The following PROX1 variants were observed in gnomAD, a reference collection of about 807,000 sequenced individuals.
PROX1 encodes the protein prospero homeobox 1, also known as prospero homeobox protein 1.
In PROX1, 7 loss-of-function variants were observed where a neutral mutation model predicts 58.8. The ratio of observed to expected loss-of-function variants is 0.12; its 90% CI spans 0.07 to 0.22. The LOEUF is 0.22. PROX1 is among the 10% of genes least tolerant of loss of function. PROX1 has a pLI of 1.00. For missense variants in PROX1, 675 were observed against 927.8 expected, an observed-to-expected ratio of 0.73 and a Z score of 3.54; for synonymous variants, 350 against 358.3, an observed-to-expected ratio of 0.98 and a Z score of 0.26.
At position 214,005,390 on chromosome 1, in the gene PROX1, A is replaced by G. The variant is rs149580116; in HGVS notation, c.1833+118A>G. On this transcript the variant is annotated intron_variant, in intron 3 of 4. Coordinates refer to ENST00000366958, the MANE Select transcript of PROX1 (RefSeq NM_001270616.2). Reference sequence around the variant, plus strand: ...GGTTTATTCCTACACCTGTGTTATAATTGATTTAATGCACTTGTCTTTTTG... The same window carrying G: ...GGTTTATTCCTACACCTGTGTTATAGTTGATTTAATGCACTTGTCTTTTTG... 9.1e-5 allele frequency: 68 copies of G among 745,760 alleles called. No homozygotes were observed. In the African/African-American group the frequency reaches 1.0e-3, roughly 11 times the overall value. The allele number at this position is 745,760 out of a possible 1,614,324, so 46.2% of individuals were successfully genotyped here.
At chr1:213,994,186 A>G (rs2102687281) in intron 1 of PROX1, among the ~76,000 whole-genome samples, 1 of 152,330 alleles carries the variant, frequency 6.6e-6, no homozygotes, top group Middle Eastern at 3.4e-3. Context: ...TCTGTGGCAG[A>G]GCTGCTCTTC....
Position 214,036,526 on chromosome 1 carries a change from C to T in PROX1, c.*692C>T, listed in dbSNP as rs1212690091. 6.6e-6 allele frequency: 1 copy of T among 152,194 alleles called. No homozygotes were observed. Among genetic ancestry groups the T allele is most frequent in the Non-Finnish European group, 1.5e-5 (1 of 68,022 alleles). 9.4% of individuals were successfully genotyped at this position (152,194 alleles called of 1,614,324 possible). The stretch of plus-strand genomic sequence containing the variant: ...AGCAATTTTGCACAAAACCAGCTCT[C>T]TCAAGATGAGACTAGAAATTCATAC... On this transcript the variant is annotated 3_prime_UTR_variant, in exon 5 of 5. Coordinates refer to ENST00000366958, the MANE Select transcript of PROX1 (RefSeq NM_001270616.2).
At chr1:214,027,438 C>T (rs1057493961) in intron 4 of PROX1, among the ~76,000 whole-genome samples, 1 of 152,208 alleles carries the variant, frequency 6.6e-6, no homozygotes, top group African/African-American at 2.4e-5. Context: ...AAAGCTCTGT[C>T]TCTCAAGACA....
At chr1:213,992,566 G>A (rs1321215187) in intron 1 of PROX1, among the ~76,000 whole-genome samples, 1 of 152,078 alleles carries the variant, frequency 6.6e-6, no homozygotes, top group Non-Finnish European at 1.5e-5. Context: ...GTTGACCCAA[G>A]TAGATTAGAG....
At chr1:213,999,655 G>A (rs1663421378) in intron 2 of PROX1, among the ~76,000 whole-genome samples, 1 of 152,142 alleles carries the variant, frequency 6.6e-6, no homozygotes, top group African/African-American at 2.4e-5. Context: ...GTAACAGAAA[G>A]GGAAGAGAAA....
In PROX1 at chr1:214,009,095, TA is replaced by T. The variant is rs1663819273; in HGVS notation, c.1834-2423del. 4.6e-5 allele frequency among the ~76,000 whole-genome samples: 7 copies of T among 152,318 alleles called. No individual in the cohort carries two copies. In the South Asian group the frequency reaches 1.4e-3, roughly 32 times the overall value. ...TCACAGCTTTTCAAGCCGGCAGTGT[TA>T]AATGATGTATCTCATTCCCTCCACC... On this transcript the variant is annotated intron_variant, in intron 3 of 4. Coordinates refer to ENST00000366958, the MANE Select transcript of PROX1 (RefSeq NM_001270616.2).
chr1:214,033,851 T>C (rs780645416), intron 4 of PROX1, among the ~76,000 whole-genome samples: 13 of 152,160 alleles, frequency 8.5e-5, no homozygotes, highest in Non-Finnish European at 1.8e-4. Flanking sequence ...CTCCAACAAA[T>C]ACTCATGTAT....
At chr1:214,020,534 T>G (rs1029740958) in intron 4 of PROX1, among the ~76,000 whole-genome samples, 1 of 152,214 alleles carries the variant, frequency 6.6e-6, no homozygotes, top group African/African-American at 2.4e-5. Flanking sequence ...TCTATATATC[T>G]AACAGAGCCA....
intron 4 of PROX1, among the ~76,000 whole-genome samples, chr1:214,034,444 T>G (rs936852497): frequency 1.3e-5 from 2 of 152,222 alleles, no homozygotes; most frequent in African/African-American, 4.8e-5. Context: ...GCACTTAATG[T>G]AAAAATGAAA....
chr1:214,025,663 C>CT (rs539954941), intron 4 of PROX1, among the ~76,000 whole-genome samples: 11,755 of 136,480 alleles, frequency 0.086, 617 homozygotes, highest in Non-Finnish European at 0.11. Context: ...TCTGTGATTC[C>CT]TTTTTTTTTT....
chr1:214,029,121 G>A (rs1219158205), intron 4 of PROX1: 1 of 152,204 alleles, frequency 6.6e-6, no homozygotes. Context: ...CAGCAGGGAT[G>A]GGAGAGTTTG....
chr1:214,006,942 T>A (rs1413862315), intron 3 of PROX1, among the ~76,000 whole-genome samples: 1 of 152,192 alleles, frequency 6.6e-6, no homozygotes, highest in African/African-American at 2.4e-5. Context: ...TAGGTGTCAC[T>A]CACCCACCAC....
At position 214,039,019 on chromosome 1, in the gene PROX1, C is replaced by A. The variant is rs2102795950; in HGVS notation, c.*3185C>A. 1 of 152,196 alleles carries A rather than the reference C, an allele frequency of 6.6e-6. No individual in the cohort carries two copies. The highest frequency in any genetic ancestry group is 2.4e-5 in the African/African-American group (1 of 41,522). 9.4% of individuals were successfully genotyped at this position (152,196 alleles called of 1,614,324 possible). The stretch of plus-strand genomic sequence containing the variant: ...AGCCTAATGAAAAGTAGTATAGAAG[C>A]AATATTTCATACCATGTGCTATATA... On this transcript the variant is annotated 3_prime_UTR_variant, in exon 5 of 5. Coordinates refer to ENST00000366958, the MANE Select transcript of PROX1 (RefSeq NM_001270616.2).
In PROX1 at chr1:214,033,139, C is replaced by T. The variant is rs370896834; in HGVS notation, c.2029-2510C>T. The stretch of plus-strand genomic sequence containing the variant: ...CAGTTCTTGGTGTGGGCAGGGCTTC[C>T]GGCCTTCTCTGGCTTCTCTGGGGCA... On this transcript the variant is annotated intron_variant, in intron 4 of 4. Coordinates refer to ENST00000366958, the MANE Select transcript of PROX1 (RefSeq NM_001270616.2). 1.5e-3 allele frequency among the ~76,000 whole-genome samples: 231 copies of T among 152,286 alleles called. 4 individuals carry two copies. In the South Asian group the frequency reaches 0.046, roughly 31 times the overall value.
intron 3 of PROX1, among the ~76,000 whole-genome samples, chr1:214,009,944 G>C (rs1266533086): frequency 6.6e-6 from 1 of 152,116 alleles, no homozygotes; most frequent in Non-Finnish European, 1.5e-5. Flanking sequence ...TTATCTCAGT[G>C]TCTGGAAATT....
chr1:214,023,808 T>A (rs1334712495), intron 4 of PROX1, among the ~76,000 whole-genome samples: 1 of 152,180 alleles, frequency 6.6e-6, no homozygotes, highest in East Asian at 1.9e-4. Context: ...TAGAATATGG[T>A]GCTAAAAGTG....
At chr1:214,023,323 G>A (rs1447841685) in intron 4 of PROX1, among the ~76,000 whole-genome samples, 1 of 151,790 alleles carries the variant, frequency 6.6e-6, no homozygotes, top group African/African-American at 2.4e-5. Context: ...CTCTTTCAGA[G>A]CAGAATTGGC....
Position 213,997,075 on chromosome 1 carries a change from C to A in PROX1, c.540C>A (p.Pro180=). The change falls in exon 2 of 5, where the codon CCC becomes CCA. Residue 180 remains proline, a synonymous_variant. Coordinates refer to ENST00000366958, the MANE Select transcript of PROX1 (RefSeq NM_001270616.2). This position sits in a 1 kb window ranked among gnomAD's most constrained non-coding sequence, Gnocchi z 7.1. Reference sequence around the variant, plus strand: ...TAATTCGGGGTATGAGCCATTCCCCCAGTGTGGCATTAAGGGGCAATGAAA... The same window carrying A: ...TAATTCGGGGTATGAGCCATTCCCCAAGTGTGGCATTAAGGGGCAATGAAA... ...ENIIRGMSHS[P]SVALRGNENE... 3 of 1,613,984 alleles carry A rather than the reference C, an allele frequency of 1.9e-6. No homozygotes were observed. The highest frequency in any genetic ancestry group is 1.1e-5 in the South Asian group (1 of 91,054).
intron 4 of PROX1, among the ~76,000 whole-genome samples, chr1:214,021,292 C>T (rs903814909): frequency 6.6e-6 from 1 of 152,194 alleles, no homozygotes; most frequent in Non-Finnish European, 1.5e-5. Flanking sequence ...GTATTACCTG[C>T]TGGGAAAATA....
Sources: gnomAD v4.1 joint callset for allele counts (sites outside exome capture counted in the v4.1 genomes callset) on GRCh38, gnomAD v4.1.1 for gene constraint, Gnocchi (gnomAD v3.1) non-coding constraint, MANE v1.5 for transcripts, NCBI Gene and HGNC (gene_info 2026-07-23, HGNC 2026-07-21) for gene names.